Variants in DCN observed in about 807,000 individuals in gnomAD.
The protein encoded by DCN is bone proteoglycan II.
Under a neutral mutation model 36.5 loss-of-function variants are expected in DCN, and 17 were observed. The ratio of observed to expected loss-of-function variants is 0.47; its 90% CI spans 0.32 to 0.70. The LOEUF (loss-of-function observed/expected upper bound fraction) is 0.70. Ranked by LOEUF, DCN falls within the 30% of genes least tolerant of loss-of-function variation. DCN has a pLI of 0.04. For synonymous variants in DCN, 163 were observed against 161.4 expected (o/e 1.01, Z -0.07); for missense variants, 389 against 430.1 (o/e 0.90, Z 0.84).
chr12:91,159,176 C>G (rs1010603411), intron 3 of DCN, among the ~76,000 whole-genome samples: 6 of 152,102 alleles, frequency 3.9e-5, no homozygotes, highest in Non-Finnish European at 8.8e-5. Context: ...ATCAATGCCA[C>G]AGACATCCAT....
intron 3 of DCN, among the ~76,000 whole-genome samples, chr12:91,163,974 T>C (rs1301659026): frequency 6.6e-6 from 1 of 152,130 alleles, no homozygotes; most frequent in Non-Finnish European, 1.5e-5. Context: ...TGAGAGAGAA[T>C]TAAGATCTAA....
At chr12:91,174,127 A>G (rs1176186854) in intron 2 of DCN, among the ~76,000 whole-genome samples, 1 of 152,190 alleles carries the variant, frequency 6.6e-6, no homozygotes, top group Non-Finnish European at 1.5e-5. Context: ...AAAATAGCCA[A>G]ATACTTCATT....
intron 1 of DCN, among the ~76,000 whole-genome samples, chr12:91,182,215 T>C (rs983998481): frequency 3.9e-5 from 6 of 152,110 alleles, no homozygotes; most frequent in African/African-American, 1.4e-4. Context: ...TCACCAGAGT[T>C]CAGTTCTTCT....
At chr12:91,165,037 T>C (rs1882462302) in intron 2 of DCN, among the ~76,000 whole-genome samples, 1 of 152,216 alleles carries the variant, frequency 6.6e-6, no homozygotes, top group Non-Finnish European at 1.5e-5. Flanking sequence ...TTTGTTGTTG[T>C]ATTGAAAAGT....
chr12:91,148,368 C>T (rs1391864635), intron 7 of DCN, among the ~76,000 whole-genome samples: 1 of 152,088 alleles, frequency 6.6e-6, no homozygotes, highest in Non-Finnish European at 1.5e-5. Context: ...CCACTGCGTC[C>T]TGCCACCAAC....
chr12:91,164,856 T>C (rs1328730914), intron 2 of DCN, 139 bp from the exon 3 acceptor site: 3 of 654,262 alleles, frequency 4.6e-6, no homozygotes, highest in Non-Finnish European at 8.4e-6. Context: ...TTCTAAGAAT[T>C]ACATTCATTG....
intron 5 of DCN, among the ~76,000 whole-genome samples, chr12:91,155,200 T>A (rs1194141836): frequency 6.6e-6 from 1 of 152,152 alleles, no homozygotes; most frequent in African/African-American, 2.4e-5. Context: ...CTCTGCCGCT[T>A]CCTAGCTCTA....
At chr12:91,158,759 C>T (rs1217000278) in intron 3 of DCN, among the ~76,000 whole-genome samples, 1 of 152,030 alleles carries the variant, frequency 6.6e-6, no homozygotes, top group African/African-American at 2.4e-5. Flanking sequence ...GCCAGGAGTT[C>T]GAGACAAGCC....
intron 2 of DCN, among the ~76,000 whole-genome samples, 181 bp from the exon 3 acceptor site, chr12:91,164,898 C>G (rs915259214): frequency 1.3e-5 from 2 of 152,138 alleles, no homozygotes; most frequent in Non-Finnish European, 2.9e-5. Context: ...TCTTTTGCAA[C>G]CAAGTCAAAT....
chr12:91,172,849 A>C (rs1167374144), intron 2 of DCN: 1 of 648,640 alleles, frequency 1.5e-6, no homozygotes. Flanking sequence ...ACGAAGATAA[A>C]TTATTGCAAT....
At chr12:91,179,142 G>A (rs534799107) in intron 1 of DCN, 35 of 160,650 alleles carry the variant, frequency 2.2e-4, no homozygotes, top group South Asian at 5.2e-4. Flanking sequence ...CTGAGTCATC[G>A]TCTAAAAATT....
chr12:91,174,556 G>A (rs1293761839), intron 2 of DCN, among the ~76,000 whole-genome samples: 1 of 152,074 alleles, frequency 6.6e-6, no homozygotes, highest in Non-Finnish European at 1.5e-5. Flanking sequence ...GAAATGGTAA[G>A]TGAAATGTAA....
intron 1 of DCN, among the ~76,000 whole-genome samples, 192 bp from the exon 2 acceptor site, chr12:91,178,777 T>C (rs1389229554): frequency 6.6e-6 from 1 of 152,126 alleles, no homozygotes; most frequent in African/African-American, 2.4e-5. Flanking sequence ...TGCACAGCTA[T>C]TTACTTAGGA....
At chr12:91,166,260 A>G (rs1882563725) in intron 2 of DCN, among the ~76,000 whole-genome samples, 2 of 152,192 alleles carry the variant, frequency 1.3e-5, no homozygotes, top group Non-Finnish European at 2.9e-5. Flanking sequence ...TGTTACATAA[A>G]TGTGTAACTC....
chr12:91,155,192 C>A (rs1036662434), intron 5 of DCN, among the ~76,000 whole-genome samples: 4 of 152,152 alleles, frequency 2.6e-5, no homozygotes, highest in Non-Finnish European at 5.9e-5. Flanking sequence ...AATTCCATCT[C>A]TGCCGCTTCC....
At chr12:91,178,310 A>C in intron 2 of DCN, 32 bp downstream of exon 2, 1 of 1,568,002 alleles carries the variant, frequency 6.4e-7, no homozygotes, top group Non-Finnish European at 8.8e-7. Context: ...AAAACAAGTA[A>C]GGTAGGTAAA....
intron 5 of DCN, among the ~76,000 whole-genome samples, chr12:91,153,882 T>A (rs1217064869): frequency 1.3e-5 from 2 of 152,104 alleles, no homozygotes; most frequent in Non-Finnish European, 2.9e-5. Context: ...AGATAGTACT[T>A]GCATGGCTGT....
intron 5 of DCN, among the ~76,000 whole-genome samples, chr12:91,156,285 T>C (rs1207739615): frequency 6.6e-6 from 1 of 152,206 alleles, no homozygotes; most frequent in Non-Finnish European, 1.5e-5. Context: ...TCCTGTTCCC[T>C]GCCCTGTCTT....
intron 2 of DCN, among the ~76,000 whole-genome samples, chr12:91,167,450 GACAC>G (rs567637365): frequency 1.4e-5 from 2 of 144,688 alleles, no homozygotes; most frequent in Non-Finnish European, 3.0e-5. Context: ...AATTATCTCA[GACAC>G]ACACACACAG....
Sources: gnomAD v4.1 joint callset for allele counts (sites outside exome capture counted in the v4.1 genomes callset) on GRCh38, gnomAD v4.1.1 for gene constraint, MANE v1.5 for transcripts, NCBI Gene and HGNC (gene_info 2026-07-23, HGNC 2026-07-21) for gene names.